Variants in EDIL3 observed in about 807,000 individuals in gnomAD.
The protein encoded by EDIL3 is EGF-like repeat and discoidin I-like domain-containing protein 3.
Under a neutral mutation model 67.4 loss-of-function variants are expected in EDIL3, and 37 were observed. That is an observed-to-expected ratio of 0.55 (90% CI 0.42 to 0.72). The LOEUF is 0.72. Among genes scored for constraint, EDIL3 ranks in the 30% least tolerant of loss-of-function variants. The pLI, the probability that EDIL3 is intolerant of heterozygous loss-of-function variation, is 0.00. For synonymous variants in EDIL3, 195 were observed against 196.3 expected, an observed-to-expected ratio of 0.99 and a Z score of 0.05; for missense variants, 527 against 586.3, an observed-to-expected ratio of 0.90 and a Z score of 1.04.
intron 9 of EDIL3, among the ~76,000 whole-genome samples, chr5:84,014,717 A>G (rs758655396): frequency 6.6e-6 from 1 of 152,232 alleles, no homozygotes; most frequent in Non-Finnish European, 1.5e-5. Flanking sequence ...CTCTAATGTG[A>G]TATAAAATGA....
At chr5:84,121,569 CTATCTATCT>C in intron 5 of EDIL3, among the ~76,000 whole-genome samples, 1 of 142,054 alleles carries the variant, frequency 7.0e-6, no homozygotes, top group Non-Finnish European at 1.6e-5. Flanking sequence ...ATCTATCTAT[CTATCTATCT>C]ACATTTTTTT....
intron 5 of EDIL3, among the ~76,000 whole-genome samples, chr5:84,116,411 A>G (rs761483252): frequency 3.3e-5 from 5 of 152,128 alleles, no homozygotes; most frequent in Non-Finnish European, 5.9e-5. Flanking sequence ...GTAAGAAAAT[A>G]TTTTTCATTT....
chr5:84,325,591 A>C (rs1020164659), intron 1 of EDIL3, among the ~76,000 whole-genome samples: 7 of 152,186 alleles, frequency 4.6e-5, no homozygotes, highest in South Asian at 4.1e-4. Context: ...CTCCTCAAAA[A>C]ATTTAAAGTA....
At chr5:84,305,491 G>A (rs1746246693) in intron 1 of EDIL3, among the ~76,000 whole-genome samples, 1 of 152,172 alleles carries the variant, frequency 6.6e-6, no homozygotes, top group African/African-American at 2.4e-5. Context: ...GCTAAACGAA[G>A]CAAGTTTTCT....
At chr5:84,081,080 C>A (rs1435294014) in intron 6 of EDIL3, among the ~76,000 whole-genome samples, 3 of 152,172 alleles carry the variant, frequency 2.0e-5, no homozygotes, top group Non-Finnish European at 4.4e-5. Context: ...TGAAACACCC[C>A]ATTCATTACA....
intron 5 of EDIL3, among the ~76,000 whole-genome samples, chr5:84,127,852 T>C (rs898076474): frequency 2.0e-5 from 3 of 152,162 alleles, no homozygotes; most frequent in Admixed American, 2.0e-4. Context: ...TATCACTTCA[T>C]CATTCTCATG....
chr5:84,203,961 T>C (rs147909857), intron 3 of EDIL3, among the ~76,000 whole-genome samples: 9 of 152,360 alleles, frequency 5.9e-5, no homozygotes, highest in African/African-American at 1.9e-4. Context: ...TTCTTGCAGA[T>C]ACTGATTCTA....
At chr5:84,275,115 C>G (rs908776345) in intron 1 of EDIL3, among the ~76,000 whole-genome samples, 6 of 152,168 alleles carry the variant, frequency 3.9e-5, no homozygotes, top group African/African-American at 1.2e-4. Flanking sequence ...ATCTTAATCT[C>G]CAGATCCCCA....
intron 9 of EDIL3, among the ~76,000 whole-genome samples, chr5:83,971,465 G>A (rs1744792047): frequency 6.6e-6 from 1 of 151,600 alleles, no homozygotes; most frequent in South Asian, 2.1e-4. Flanking sequence ...AAAGTGCCTT[G>A]CTATTTTGTC....
chr5:84,310,411 T>A (rs1580069968), intron 1 of EDIL3, among the ~76,000 whole-genome samples: 1 of 152,234 alleles, frequency 6.6e-6, no homozygotes, highest in South Asian at 2.1e-4. Context: ...CCATGTATTC[T>A]AAGAACAGTA....
intron 4 of EDIL3, among the ~76,000 whole-genome samples, chr5:84,175,016 G>C (rs955785602): frequency 3.9e-5 from 6 of 152,124 alleles, no homozygotes; most frequent in African/African-American, 1.4e-4. Flanking sequence ...GCCAGGTGGA[G>C]GGTGTTAAGT....
At chr5:83,981,286 A>G (rs1031446233) in intron 9 of EDIL3, among the ~76,000 whole-genome samples, 1 of 152,116 alleles carries the variant, frequency 6.6e-6, no homozygotes, top group Non-Finnish European at 1.5e-5. Context: ...TGGCATTTAA[A>G]TATAAATATA....
chr5:84,061,947 A>T (rs1746551118), intron 8 of EDIL3, among the ~76,000 whole-genome samples: 2 of 152,202 alleles, frequency 1.3e-5, no homozygotes, highest in South Asian at 2.1e-4. Flanking sequence ...CTTAGCTATA[A>T]CTAATTGCCT....
At chr5:84,159,476 T>C (rs1185551870) in intron 4 of EDIL3, among the ~76,000 whole-genome samples, 1 of 152,046 alleles carries the variant, frequency 6.6e-6, no homozygotes, top group African/African-American at 2.4e-5. Flanking sequence ...CCTGACCCCA[T>C]ATATTGTTAA....
intron 4 of EDIL3, among the ~76,000 whole-genome samples, chr5:84,176,944 C>T (rs2112354504): frequency 6.6e-6 from 1 of 152,084 alleles, no homozygotes; most frequent in Middle Eastern, 3.4e-3. Flanking sequence ...CAAAACACAA[C>T]GAGTGCTGGT....
intron 2 of EDIL3, among the ~76,000 whole-genome samples, chr5:84,235,199 G>A (rs561648523): frequency 6.6e-6 from 1 of 152,078 alleles, no homozygotes; most frequent in African/African-American, 2.4e-5. Flanking sequence ...GTACTTAAAG[G>A]TTGCTATTAC....
intron 3 of EDIL3, among the ~76,000 whole-genome samples, chr5:84,182,286 C>T (rs1288145672): frequency 6.6e-6 from 1 of 150,956 alleles, no homozygotes; most frequent in Non-Finnish European, 1.5e-5. Context: ...CACACACACA[C>T]ACACACACAC....
chr5:84,192,121 C>T (rs1250623413), intron 3 of EDIL3, among the ~76,000 whole-genome samples: 1 of 151,740 alleles, frequency 6.6e-6, no homozygotes, highest in Non-Finnish European at 1.5e-5. Flanking sequence ...AGCAGCTTTT[C>T]CTTCATAAAC....
At chr5:84,002,227 A>T (rs1376134397) in intron 9 of EDIL3, among the ~76,000 whole-genome samples, 1 of 152,188 alleles carries the variant, frequency 6.6e-6, no homozygotes, top group Non-Finnish European at 1.5e-5. Flanking sequence ...ATAAAATTTA[A>T]CATCCCTTCA....
Sources: allele counts gnomAD v4.1 joint callset (sites outside exome capture counted in the v4.1 genomes callset), GRCh38; gene constraint gnomAD v4.1.1; transcripts MANE v1.5; gene names NCBI Gene and HGNC (gene_info 2026-07-23, HGNC 2026-07-21).